Variants in DPP6 observed in about 807,000 individuals in gnomAD.
DPP6 encodes the protein A-type potassium channel modulatory protein DPP6.
DPP6 carries 69 observed loss-of-function variants against 122.6 expected under a neutral mutation model. That is an observed-to-expected ratio of 0.56 (90% CI 0.46 to 0.69). DPP6 has a LOEUF of 0.69. Ranked by LOEUF, DPP6 falls within the 30% of genes least tolerant of loss-of-function variation. The pLI is 0.00. For synonymous variants in DPP6, 418 were observed against 433.1 expected (o/e 0.97, Z 0.43); for missense variants, 928 against 1,116.9 (o/e 0.83, Z 2.41).
At chr7:154,017,727 TAAAAAA>T (rs61261080) in intron 1 of DPP6, among the ~76,000 whole-genome samples, 2 of 109,458 alleles carry the variant, frequency 1.8e-5, no homozygotes, top group Non-Finnish European at 3.8e-5. Context: ...AATAAAAAAA[TAAAAAA>T]AAAAAAAAGA....
At chr7:154,445,777 TAAAA>T (rs33926357) in intron 1 of DPP6, among the ~76,000 whole-genome samples, 2 of 147,824 alleles carry the variant, frequency 1.4e-5, no homozygotes, top group Admixed American at 6.7e-5. Context: ...CACATGGATG[TAAAA>T]AAAAAAAAAG....
At chr7:154,413,145 C>T (rs7808360) in intron 1 of DPP6, among the ~76,000 whole-genome samples, 4 of 152,110 alleles carry the variant, frequency 2.6e-5, no homozygotes, top group Admixed American at 6.5e-5. Context: ...AAGTGGTCCT[C>T]GGTATAGATT....
intron 6 of DPP6, among the ~76,000 whole-genome samples, chr7:154,661,097 C>T (rs1476009759): frequency 2.6e-3 from 1 of 392 alleles, no homozygotes; most frequent in African/African-American, 6.5e-3. Flanking sequence ...ATCACCATGG[C>T]GTATTGGCGC....
chr7:154,383,100 A>G (rs1052692094), intron 1 of DPP6, among the ~76,000 whole-genome samples: 1 of 152,186 alleles, frequency 6.6e-6, no homozygotes, highest in Non-Finnish European at 1.5e-5. Flanking sequence ...GATTCAGTAT[A>G]TCAAAATGAA....
At chr7:154,060,074 TTGG>T (rs1801471969) in intron 1 of DPP6, among the ~76,000 whole-genome samples, 1 of 149,354 alleles carries the variant, frequency 6.7e-6, no homozygotes, top group Non-Finnish European at 1.5e-5. Flanking sequence ...CCCCTGGCTC[TTGG>T]GACCACCATC....
intron 1 of DPP6, chr7:154,094,120 C>G (rs1457786375): frequency 2.0e-5 from 3 of 152,170 alleles, no homozygotes; most frequent in Non-Finnish European, 1.5e-5. Flanking sequence ...CCTAGCTAGA[C>G]AGACGGTATC....
intron 10 of DPP6, among the ~76,000 whole-genome samples, chr7:154,779,440 C>T (rs1435835227): frequency 6.6e-6 from 1 of 152,140 alleles, no homozygotes; most frequent in Non-Finnish European, 1.5e-5. Context: ...TAAACAAGCT[C>T]TCCTGCCTCA....
chr7:154,859,086 T>G (rs1287311096), intron 17 of DPP6, among the ~76,000 whole-genome samples: 4 of 152,198 alleles, frequency 2.6e-5, no homozygotes, highest in African/African-American at 9.7e-5. Context: ...ACCCAGGATC[T>G]CCTGGCCTTC....
intron 1 of DPP6, among the ~76,000 whole-genome samples, chr7:154,109,398 T>G (rs1221246647): frequency 6.6e-6 from 1 of 152,078 alleles, no homozygotes; most frequent in Non-Finnish European, 1.5e-5. Flanking sequence ...TCAAGTGATT[T>G]TCCTGTCTCA....
At chr7:154,610,237 G>T (rs1389232236) in intron 5 of DPP6, among the ~76,000 whole-genome samples, 1 of 152,140 alleles carries the variant, frequency 6.6e-6, no homozygotes, top group African/African-American at 2.4e-5. Context: ...CAAATGAGTG[G>T]TATTGAGATC....
chr7:154,860,286 A>ACAT (rs1803267254), intron 17 of DPP6, among the ~76,000 whole-genome samples: 1 of 152,138 alleles, frequency 6.6e-6, no homozygotes, highest in African/African-American at 2.4e-5. Flanking sequence ...ACATGGAGAG[A>ACAT]CATCAGGAGC....
chr7:154,439,115 C>A (rs1819147036), intron 1 of DPP6, among the ~76,000 whole-genome samples: 1 of 152,122 alleles, frequency 6.6e-6, no homozygotes, highest in African/African-American at 2.4e-5. Flanking sequence ...GCCTTTGAGG[C>A]TAGTTTGTTA....
rs1833412691 is a variant in DPP6, at chr7:154,601,662, TC to T, written c.627+34747del. On this transcript the variant is annotated intron_variant, in intron 5 of 25. Transcript: ENST00000377770. ...AGTTAGGTCTTGCTTTTTTTTTCTT[TC>T]AGTGAGACAATCTCTATCTTTTAAA... Among the ~76,000 whole-genome samples, 2 of 121,078 alleles carry T rather than the reference TC, an allele frequency of 1.7e-5. 1 individual carries two copies. Among genetic ancestry groups the T allele is most frequent in the African/African-American group, 5.3e-5 (2 of 38,082 alleles). 79.4% of individuals were successfully genotyped at this position (121,078 alleles called of 152,430 possible).
intron 14 of DPP6, among the ~76,000 whole-genome samples, chr7:154,804,641 G>T (rs1298886004): frequency 6.6e-6 from 1 of 152,214 alleles, no homozygotes; most frequent in Non-Finnish European, 1.5e-5. Flanking sequence ...TCAGGTGTGT[G>T]TCACCCCCAA....
At chr7:154,009,973 C>T (rs1172728881) in intron 1 of DPP6, among the ~76,000 whole-genome samples, 5 of 152,220 alleles carry the variant, frequency 3.3e-5, no homozygotes, top group Admixed American at 1.3e-4. Context: ...TGCCTAAAGT[C>T]GCATAGGTAA....
At chr7:154,385,918 T>C (rs1814065789) in intron 1 of DPP6, among the ~76,000 whole-genome samples, 1 of 152,180 alleles carries the variant, frequency 6.6e-6, no homozygotes, top group Non-Finnish European at 1.5e-5. Flanking sequence ...ACAGGTGCTT[T>C]CCTGTAAAAA....
chr7:153,948,774 C>T (rs994543132), intron 1 of DPP6, among the ~76,000 whole-genome samples: 5 of 145,792 alleles, frequency 3.4e-5, no homozygotes, highest in South Asian at 2.5e-4. Context: ...ACAGTAACTG[C>T]GAGGAGGAAC....
intron 21 of DPP6, among the ~76,000 whole-genome samples, chr7:154,883,361 C>A (rs1480214745): frequency 2.0e-5 from 3 of 147,012 alleles, no homozygotes; most frequent in Non-Finnish European, 4.5e-5. Context: ...CACACACATG[C>A]TCACACACAC....
At chr7:154,114,057 A>G (rs978068902) in intron 1 of DPP6, among the ~76,000 whole-genome samples, 5 of 151,882 alleles carry the variant, frequency 3.3e-5, no homozygotes, top group African/African-American at 1.2e-4. Context: ...ACATGATCTT[A>G]TGTGTAGACA....
Sources: gnomAD v4.1 joint callset for allele counts (sites outside exome capture counted in the v4.1 genomes callset) on GRCh38, gnomAD v4.1.1 for gene constraint, MANE v1.5 for transcripts, NCBI Gene and HGNC (gene_info 2026-07-23, HGNC 2026-07-21) for gene names.